The following GRAMD2B variants were observed in gnomAD, a reference collection of about 807,000 sequenced individuals.
The protein encoded by GRAMD2B is GRAM domain-containing protein 2B.
GRAMD2B carries 41 observed loss-of-function variants against 59.2 expected under a neutral mutation model. The observed-to-expected ratio is 0.69, with a 90% CI of 0.54 to 0.90. GRAMD2B has a LOEUF of 0.90. Among genes scored for constraint, GRAMD2B ranks in the 40% least tolerant of loss-of-function variants. GRAMD2B has a pLI of 0.00. For synonymous variants in GRAMD2B, 161 were observed against 182.7 expected, an observed-to-expected ratio of 0.88 and a Z score of 0.96; for missense variants, 424 against 500.5, an observed-to-expected ratio of 0.85 and a Z score of 1.46.
intron 1 of GRAMD2B, among the ~76,000 whole-genome samples, chr5:126,410,241 T>G (rs551956893): frequency 2.6e-4 from 40 of 152,136 alleles, no homozygotes; most frequent in African/African-American, 8.9e-4. Flanking sequence ...CATTGGTAGC[T>G]TGATGGGGAT....
At chr5:126,460,767 G>A (rs1467690812) in intron 1 of GRAMD2B, among the ~76,000 whole-genome samples, 1 of 152,142 alleles carries the variant, frequency 6.6e-6, no homozygotes, top group African/African-American at 2.4e-5. Context: ...GTGCCAACAT[G>A]GTTTTCACTA....
At chr5:126,458,260 C>A (rs1744462644) in intron 1 of GRAMD2B, among the ~76,000 whole-genome samples, 1 of 151,958 alleles carries the variant, frequency 6.6e-6, no homozygotes, top group Non-Finnish European at 1.5e-5. Context: ...CATGGTGAAA[C>A]CCTGTCTCTA....
intron 1 of GRAMD2B, among the ~76,000 whole-genome samples, chr5:126,424,931 A>G (rs1227910345): frequency 5.3e-5 from 8 of 152,238 alleles, no homozygotes. Context: ...AGGTCTCCTA[A>G]CTTTACAGCA....
At chr5:126,423,080 C>A, upstream of GRAMD2B, 1 of 784,890 alleles carries the variant, frequency 1.3e-6, no homozygotes, top group Admixed American at 6.3e-5. Context: ...TAGGATGGGG[C>A]ATAGGCCAGC....
intron 1 of GRAMD2B, among the ~76,000 whole-genome samples, chr5:126,381,598 C>T (rs978991957): frequency 2.0e-5 from 3 of 152,130 alleles, no homozygotes; most frequent in African/African-American, 7.2e-5. Flanking sequence ...TTAGGTGAGT[C>T]TCTTAAAGAC....
At chr5:126,444,588 T>G (rs1179481788) in intron 1 of GRAMD2B, among the ~76,000 whole-genome samples, 3 of 152,356 alleles carry the variant, frequency 2.0e-5, no homozygotes, top group East Asian at 1.9e-4. Flanking sequence ...TCAAACGTAC[T>G]GCTCATTTTT....
chr5:126,369,357 C>G (rs17154480), upstream of GRAMD2B, among the ~76,000 whole-genome samples: 1,621 of 152,010 alleles, frequency 0.011, 30 homozygotes, highest in African/African-American at 0.037. Context: ...GTGGTTTAAC[C>G]TTTTAAAGAT....
intron 1 of GRAMD2B, among the ~76,000 whole-genome samples, chr5:126,362,797 C>T (rs1219048430): frequency 1.3e-5 from 2 of 152,002 alleles, no homozygotes; most frequent in African/African-American, 4.8e-5. Context: ...GAAATTGGAC[C>T]CCTACCTTAC....
At chr5:126,443,410 C>T (rs1763627989) in intron 1 of GRAMD2B, among the ~76,000 whole-genome samples, 1 of 152,192 alleles carries the variant, frequency 6.6e-6, no homozygotes, top group Non-Finnish European at 1.5e-5. Context: ...TATATTCTCA[C>T]TTCTAGTTTT....
At chr5:126,484,227 T>C (rs1294239781) in intron 9 of GRAMD2B, among the ~76,000 whole-genome samples, 175 bp from the exon 10 acceptor site, 1 of 152,246 alleles carries the variant, frequency 6.6e-6, no homozygotes, top group African/African-American at 2.4e-5. Context: ...TATCACTTTA[T>C]TACTTATTTG....
At chr5:126,379,879 T>C (rs944188688) in intron 1 of GRAMD2B, among the ~76,000 whole-genome samples, 3 of 152,232 alleles carry the variant, frequency 2.0e-5, no homozygotes, top group Admixed American at 6.5e-5. Flanking sequence ...CTGCTGATTA[T>C]TTCTTTTGCT....
chr5:126,492,874 A>G (rs1227497064), intron 13 of GRAMD2B, 41 bp from the exon 14 acceptor site: 1 of 1,297,984 alleles, frequency 7.7e-7, no homozygotes, highest in East Asian at 2.3e-5. Context: ...AATATACTCC[A>G]TTCTATTTAA....
chr5:126,425,459 G>A (rs1435147769), intron 1 of GRAMD2B, among the ~76,000 whole-genome samples: 1 of 152,208 alleles, frequency 6.6e-6, no homozygotes, highest in African/African-American at 2.4e-5. Context: ...ACTTAAGTGT[G>A]ACATCTGAAA....
At chr5:126,440,414 T>A (rs1048610645) in intron 1 of GRAMD2B, among the ~76,000 whole-genome samples, 2 of 152,116 alleles carry the variant, frequency 1.3e-5, no homozygotes, top group African/African-American at 2.4e-5. Flanking sequence ...ATCTGAGTAA[T>A]AAAAAGATAG....
intron 1 of GRAMD2B, among the ~76,000 whole-genome samples, chr5:126,427,777 C>T (rs1760867551): frequency 6.6e-6 from 1 of 152,106 alleles, no homozygotes; most frequent in African/African-American, 2.4e-5. Context: ...GGGAACTGAT[C>T]CTGAATTAGA....
chr5:126,440,573 C>T (rs1051993464), intron 1 of GRAMD2B, among the ~76,000 whole-genome samples: 5 of 151,854 alleles, frequency 3.3e-5, no homozygotes, highest in African/African-American at 7.3e-5. Flanking sequence ...TACTCCATTT[C>T]GTAATTAAAA....
rs1358609148 is a variant in GRAMD2B, at chr5:126,477,794, A to T, written c.582+7A>T. 3 of 1,571,168 alleles carry T rather than the reference A, an allele frequency of 1.9e-6. No individual in the cohort carries two copies. In the South Asian group the frequency reaches 3.3e-5, roughly 17 times the overall value. On this transcript the variant is annotated splice_region_variant and intron_variant, in intron 6 of 13. Coordinates refer to ENST00000285689, the MANE Select transcript of GRAMD2B (RefSeq NM_023927.4). ...AGCAACAGTCACAGACAGGGTGAGTATGCAGCCGAGCGAGGGCATCTTTGC... is the reference window on the plus strand; with the variant it reads ...AGCAACAGTCACAGACAGGGTGAGTTTGCAGCCGAGCGAGGGCATCTTTGC...
At chr5:126,404,901 A>G (rs1180401204) in intron 1 of GRAMD2B, among the ~76,000 whole-genome samples, 1 of 151,980 alleles carries the variant, frequency 6.6e-6, no homozygotes, top group Non-Finnish European at 1.5e-5. Context: ...GACACTTTCT[A>G]CAGGTCACAT....
intron 5 of GRAMD2B, among the ~76,000 whole-genome samples, chr5:126,474,299 TCTCTAAAAC>T (rs1245223337): frequency 1.3e-5 from 2 of 152,360 alleles, no homozygotes; most frequent in East Asian, 3.9e-4. Flanking sequence ...TTAAATATTC[TCTCTAAAAC>T]CACTGGCAAT....
Sources: gnomAD v4.1 joint callset for allele counts (sites outside exome capture counted in the v4.1 genomes callset) on GRCh38, gnomAD v4.1.1 for gene constraint, MANE v1.5 for transcripts, NCBI Gene and HGNC (gene_info 2026-07-23, HGNC 2026-07-21) for gene names.